TCERG1L: variants seen among roughly 807,000 people sequenced by gnomAD.
TCERG1L encodes the protein transcription elongation regulator 1-like protein.
In TCERG1L, 37 loss-of-function variants were observed where a neutral mutation model predicts 56.3. The observed-to-expected ratio is 0.66, with a 90% CI of 0.51 to 0.87. The LOEUF is 0.87. Among genes scored for constraint, TCERG1L ranks in the 40% least tolerant of loss-of-function variants. The pLI, the probability that TCERG1L is intolerant of heterozygous loss-of-function variation, is 0.00. For synonymous variants in TCERG1L, 324 were observed against 326.3 expected (o/e 0.99, Z 0.08); for missense variants, 799 against 774.2 (o/e 1.03, Z -0.38).
intron 7 of TCERG1L, among the ~76,000 whole-genome samples, chr10:131,135,239 G>A (rs1344624466): frequency 6.6e-6 from 1 of 152,056 alleles, no homozygotes; most frequent in Non-Finnish European, 1.5e-5. Context: ...AGCTTGGGTG[G>A]CCAACTGAGC....
intron 3 of TCERG1L, among the ~76,000 whole-genome samples, chr10:131,299,023 GATTAA>G (rs985026759): frequency 2.0e-5 from 3 of 152,056 alleles, no homozygotes; most frequent in African/African-American, 7.2e-5. Context: ...TCTTTTATTA[GATTAA>G]ATTATTAGGT....
chr10:131,200,205 T>A (rs1845416496), intron 4 of TCERG1L, among the ~76,000 whole-genome samples: 1 of 152,222 alleles, frequency 6.6e-6, no homozygotes, highest in African/African-American at 2.4e-5. Flanking sequence ...TTTATGGCAA[T>A]AGCCCACTTC....
At chr10:131,239,061 C>T (rs952216569) in intron 4 of TCERG1L, among the ~76,000 whole-genome samples, 2 of 152,176 alleles carry the variant, frequency 1.3e-5, no homozygotes, top group East Asian at 1.9e-4. Context: ...CAAACCAAGC[C>T]GAGTGCTGTT....
intron 7 of TCERG1L, among the ~76,000 whole-genome samples, chr10:131,135,216 T>G (rs1349910186): frequency 6.6e-6 from 1 of 152,140 alleles, no homozygotes; most frequent in Admixed American, 6.5e-5. Context: ...CTCTGGCTTA[T>G]TCCGCCCCGC....
At chr10:131,102,141 A>G (rs1376795377) in intron 10 of TCERG1L, among the ~76,000 whole-genome samples, 1 of 152,240 alleles carries the variant, frequency 6.6e-6, no homozygotes, top group African/African-American at 2.4e-5. Flanking sequence ...GCATTTTTTG[A>G]GGCTGTGATG....
At chr10:131,278,931 C>A (rs1846424180) in intron 3 of TCERG1L, among the ~76,000 whole-genome samples, 2 of 152,176 alleles carry the variant, frequency 1.3e-5, no homozygotes, top group Non-Finnish European at 1.5e-5. Context: ...GGCCTTCAAC[C>A]CCACACCTCC....
chr10:131,218,886 C>T (rs552351079), intron 4 of TCERG1L, among the ~76,000 whole-genome samples: 134 of 152,242 alleles, frequency 8.8e-4, no homozygotes, highest in Non-Finnish European at 3.5e-4. Context: ...CCTGCTGTGA[C>T]CTCTCCTCCT....
chr10:131,101,954 G>A (rs1246765770), intron 10 of TCERG1L, among the ~76,000 whole-genome samples: 1 of 152,098 alleles, frequency 6.6e-6, no homozygotes, highest in African/African-American at 2.4e-5. Context: ...CGCCCACCTC[G>A]GCCTCCCAAA....
At position 131,310,535 on chromosome 10, in the gene TCERG1L, T is replaced by A. The variant is rs192105771; in HGVS notation, c.342+759A>T. 4.6e-5 allele frequency among the ~76,000 whole-genome samples: 7 copies of A among 152,352 alleles called. No individual in the cohort carries two copies. In the East Asian group the frequency reaches 1.3e-3, roughly 29 times the overall value. On this transcript the variant is annotated intron_variant, in intron 1 of 11. Coordinates refer to ENST00000368642, the MANE Select transcript of TCERG1L (RefSeq NM_174937.4). ...AATAAAATGCACGCTATTCCCTGAT[T>A]TAAATGCATCTGCATAGTTAGCTGA...
chr10:131,102,557 G>T (rs1190516860), intron 10 of TCERG1L, among the ~76,000 whole-genome samples: 2 of 152,212 alleles, frequency 1.3e-5, no homozygotes, highest in Non-Finnish European at 2.9e-5. Flanking sequence ...ATCAGACTCT[G>T]CTGGTGTGAG....
chr10:131,155,521 CG>C (rs1341546596), intron 6 of TCERG1L, among the ~76,000 whole-genome samples: 1 of 152,186 alleles, frequency 6.6e-6, no homozygotes, highest in African/African-American at 2.4e-5. Context: ...TGGGGGCTGC[CG>C]GGAGAGCCTG....
At position 131,260,182 on chromosome 10, in the gene TCERG1L, C is replaced by A. The variant is rs1403909445; in HGVS notation, c.856+77G>T. 53 of 1,264,936 alleles carry A rather than the reference C, an allele frequency of 4.2e-5. No individual in the cohort carries two copies. Among genetic ancestry groups the A allele is most frequent in the Non-Finnish European group, 5.0e-5 (50 of 1,004,652 alleles). 78.4% of individuals were successfully genotyped at this position (1,264,936 alleles called of 1,614,324 possible). ...AGGTCCCACAGCGCCTGGGCCCAGG[C>A]CAGGGGCATCTAACCAGGAAGCCTC... On this transcript the variant is annotated intron_variant, in intron 4 of 11. Transcript: ENST00000368642. This position sits in a 1 kb window ranked among gnomAD's most constrained non-coding sequence, Gnocchi z 5.8.
At chr10:131,134,590 C>A in intron 7 of TCERG1L, 142 bp from the exon 8 acceptor site, 1 of 665,316 alleles carries the variant, frequency 1.5e-6, no homozygotes, top group Non-Finnish European at 2.6e-6. Context: ...TGAAATCCTA[C>A]GAGTTTCCTC....
chr10:131,264,890 C>T (rs1293498097), intron 3 of TCERG1L, among the ~76,000 whole-genome samples: 6 of 152,308 alleles, frequency 3.9e-5, no homozygotes, highest in Middle Eastern at 3.4e-3. Flanking sequence ...TCCCTGACAG[C>T]GTGAGGGTCC....
At chr10:131,307,835 A>G (rs545586626) in intron 3 of TCERG1L, among the ~76,000 whole-genome samples, 5 of 152,288 alleles carry the variant, frequency 3.3e-5, no homozygotes, top group South Asian at 2.1e-4. Flanking sequence ...ACCAGCAAAC[A>G]TTATTCCTTG....
At chr10:131,297,627 A>G (rs1353664146) in intron 3 of TCERG1L, among the ~76,000 whole-genome samples, 1 of 152,166 alleles carries the variant, frequency 6.6e-6, no homozygotes, top group Non-Finnish European at 1.5e-5. Flanking sequence ...TTATTTTCTG[A>G]ACAAGTTTAT....
chr10:131,134,913 C>T (rs893501529), intron 7 of TCERG1L, among the ~76,000 whole-genome samples: 12 of 152,182 alleles, frequency 7.9e-5, no homozygotes, highest in African/African-American at 4.8e-5. Context: ...CAACAGATAA[C>T]GAGATTCCCC....
chr10:131,123,193 C>A (rs536189137), intron 8 of TCERG1L, among the ~76,000 whole-genome samples: 8 of 152,262 alleles, frequency 5.3e-5, no homozygotes, highest in African/African-American at 1.9e-4. Context: ...GATCCCAGGC[C>A]CCTGCCCTCA....
At chr10:131,097,056 T>C (rs1845255937) in intron 11 of TCERG1L, among the ~76,000 whole-genome samples, 1 of 151,664 alleles carries the variant, frequency 6.6e-6, no homozygotes, top group African/African-American at 2.4e-5. Flanking sequence ...AAAAATTAGC[T>C]GTGCATGGTA....
Sources: gnomAD v4.1 joint callset for allele counts (sites outside exome capture counted in the v4.1 genomes callset) on GRCh38, gnomAD v4.1.1 for gene constraint, Gnocchi (gnomAD v3.1) non-coding constraint, MANE v1.5 for transcripts, NCBI Gene and HGNC (gene_info 2026-07-23, HGNC 2026-07-21) for gene names.